FBXO3: variants seen among roughly 807,000 people sequenced by gnomAD.
FBXO3 encodes the protein F-box only protein 3.
In FBXO3, 17 loss-of-function variants were observed where a neutral mutation model predicts 64.8. The ratio of observed to expected loss-of-function variants is 0.26; its 90% confidence interval spans 0.18 to 0.39. The LOEUF (loss-of-function observed/expected upper bound fraction) is 0.39, where lower values mean the gene tolerates loss of function less well. FBXO3 is among the 10% of genes least tolerant of loss of function. FBXO3 has a pLI of 1.00. For missense variants in FBXO3, 420 were observed against 589.9 expected, an observed-to-expected ratio of 0.71 and a Z score of 2.98; for synonymous variants, 182 against 201.6, an observed-to-expected ratio of 0.90 and a Z score of 0.82.
intron 6 of FBXO3, among the ~76,000 whole-genome samples, chr11:33,752,592 G>A (rs1350209347): frequency 1.3e-5 from 2 of 152,122 alleles, no homozygotes; most frequent in East Asian, 3.9e-4. Flanking sequence ...ACTGAGAGAA[G>A]GCAAACTATA....
intron 7 of FBXO3, 51 bp downstream of exon 7, chr11:33,751,472 T>C: frequency 2.4e-6 from 3 of 1,226,588 alleles, no homozygotes; most frequent in Non-Finnish European, 3.6e-6. Context: ...GACTTATCAT[T>C]TTTCTCTGAT....
chr11:33,772,891 A>G (rs1855543704), intron 1 of FBXO3: 1 of 152,174 alleles, frequency 6.6e-6, no homozygotes, highest in African/African-American at 2.4e-5. Flanking sequence ...ATGGCAAATC[A>G]ATTCTGCAGG....
chr11:33,742,977 G>A (rs996079856), intron 10 of FBXO3: 16 of 152,204 alleles, frequency 1.1e-4, no homozygotes, highest in Non-Finnish European at 2.2e-4. Context: ...TGGTACCCGC[G>A]CAGGATGATC....
At chr11:33,755,656 CTAA>C in intron 5 of FBXO3, 112 bp downstream of exon 5, 1 of 773,288 alleles carries the variant, frequency 1.3e-6, no homozygotes, top group Non-Finnish European at 2.2e-6. Flanking sequence ...AGGTCTATAA[CTAA>C]AATGCATAAT....
At chr11:33,763,723 G>A (rs139445628) in intron 3 of FBXO3, among the ~76,000 whole-genome samples, 185 of 150,820 alleles carry the variant, frequency 1.2e-3, no homozygotes, top group African/African-American at 4.3e-3. Flanking sequence ...AAGGATGCCC[G>A]CTATCCTATC....
intron 1 of FBXO3, chr11:33,774,086 G>A: frequency 6.5e-6 from 2 of 306,846 alleles, no homozygotes; most frequent in Non-Finnish European, 1.2e-5. Context: ...GGTCCGCGGA[G>A]CGCGGCGGTG....
chr11:33,748,825 T>C lies in FBXO3; in HGVS notation c.1000A>G (p.Thr334Ala). The C allele has an allele frequency of 1.2e-6, 2 of 1,613,962 alleles. No homozygotes were observed. The highest frequency in any genetic ancestry group is 1.7e-6 in the Non-Finnish European group (2 of 1,179,876). ...CQLDSRYWRI[T>A]NAKGDVEEVQ... is the part of the protein sequence containing the mutation. ...TCTTCCACGTCACCCTTAGCATTTG[T>C]TATTCTCCAATAGCGACTGTCCAAC... The change falls in exon 9 of 11, where the codon ACA (threonine) becomes GCA (alanine). Residue 334 changes from threonine to alanine, a missense_variant. Thr to Ala is a moderately conservative substitution (Grantham distance 58). This residue lies in a region of FBXO3 where 337 missense variants were observed against 518.4 expected (regional missense o/e 0.65). Transcript: ENST00000265651.
chr11:33,751,801 TC>T (rs1260253377), intron 6 of FBXO3, among the ~76,000 whole-genome samples, 194 bp from the exon 7 acceptor site: 1 of 152,226 alleles, frequency 6.6e-6, no homozygotes, highest in African/African-American at 2.4e-5. Flanking sequence ...CTTGGGATTC[TC>T]CCCCTCTTCA....
chr11:33,764,535 C>T (rs1855320687), intron 3 of FBXO3, among the ~76,000 whole-genome samples: 1 of 152,082 alleles, frequency 6.6e-6, no homozygotes. Flanking sequence ...AAGGGCACTT[C>T]ACGTCTGCAG....
chr11:33,772,689 T>C (rs1220948475), intron 1 of FBXO3: 1 of 152,332 alleles, frequency 6.6e-6, no homozygotes, highest in Non-Finnish European at 1.5e-5. Context: ...CAGCACTTAG[T>C]ACCTCTTGCA....
chr11:33,744,613 T>C (rs1286620502), intron 10 of FBXO3: 3 of 152,184 alleles, frequency 2.0e-5, no homozygotes, highest in Non-Finnish European at 2.9e-5. Flanking sequence ...TTTTTTAATG[T>C]TGATAAGAAG....
In FBXO3 at chr11:33,747,246, A is replaced by G. The variant is rs139508675; in HGVS notation, c.1123T>C (p.Tyr375His). 1.1e-5 allele frequency: 17 copies of G among 1,613,498 alleles called. No individual in the cohort carries two copies. The highest frequency in any genetic ancestry group is 1.3e-5 in the Non-Finnish European group (15 of 1,179,816). The change falls in exon 10 of 11, where the codon TAC (tyrosine) becomes CAC (histidine). Residue 375 changes from tyrosine (Y) to histidine (H), a missense_variant. Physicochemically the swap from Tyr to His is moderately conservative, Grantham distance 83. Around this residue, in one of 3 missense-constraint regions of FBXO3, gnomAD observed 337 missense variants for 518.4 expected, o/e 0.65. Transcript: ENST00000265651. ...TGGAAGGTATAATATCCTTCCATGT[A>G]TCCTGATGTTGTAGAGAATGTGGTA... ...SCTTFSTTSG[Y>H]MEGYYTFHFL...
chr11:33,741,782 G>C lies in FBXO3; in HGVS notation c.*126C>G. 1 of 931,662 alleles carries C rather than the reference G, an allele frequency of 1.1e-6. No homozygotes were observed. Among genetic ancestry groups the C allele is most frequent in the Non-Finnish European group, 1.5e-6 (1 of 681,888 alleles). The allele number at this position is 931,662 out of a possible 1,614,324, so 57.7% of individuals were successfully genotyped here. A position where few individuals can be genotyped will look rare whatever the true frequency, so the allele number is the denominator to read the frequency against. Reference sequence around the variant, plus strand: ...TAATGTAGTGTCACATAGAACCCAGGGCCTGAAACAATATTTCATGCTAGT... The same window carrying C: ...TAATGTAGTGTCACATAGAACCCAGCGCCTGAAACAATATTTCATGCTAGT... On this transcript the variant is annotated 3_prime_UTR_variant, in exon 11 of 11. Transcript: ENST00000265651.
intron 9 of FBXO3, among the ~76,000 whole-genome samples, chr11:33,747,694 T>C (rs969382968): frequency 6.6e-6 from 1 of 152,070 alleles, no homozygotes; most frequent in African/African-American, 2.4e-5. Flanking sequence ...GTATTTTTAG[T>C]AGAGGCAGGG....
At chr11:33,767,449 G>A (rs1209130894) in intron 3 of FBXO3, among the ~76,000 whole-genome samples, 1 of 152,178 alleles carries the variant, frequency 6.6e-6, no homozygotes, top group East Asian at 1.9e-4. Flanking sequence ...ACAGGCGCAT[G>A]CCACCACGCC....
At chr11:33,765,564 G>A (rs1411877170) in intron 3 of FBXO3, among the ~76,000 whole-genome samples, 20 of 152,178 alleles carry the variant, frequency 1.3e-4, no homozygotes, top group Admixed American at 1.3e-3. Context: ...AATAGAATTT[G>A]GGAGGCAGAA....
intron 6 of FBXO3, chr11:33,753,504 A>C (rs1855014949): frequency 1.3e-5 from 2 of 152,238 alleles, no homozygotes; most frequent in Admixed American, 1.3e-4. Context: ...AATAACAACG[A>C]GGGCAATGAG....
intron 3 of FBXO3, among the ~76,000 whole-genome samples, chr11:33,764,799 C>T (rs1855327046): frequency 6.6e-6 from 1 of 152,030 alleles, no homozygotes; most frequent in Non-Finnish European, 1.5e-5. Context: ...CATGGTGAAA[C>T]CCTGTCTCTA....
intron 8 of FBXO3, among the ~76,000 whole-genome samples, chr11:33,749,357 A>ACAC (rs1854894676): frequency 7.4e-6 from 1 of 135,784 alleles, no homozygotes; most frequent in Admixed American, 7.7e-5. Flanking sequence ...TACTGGGATT[A>ACAC]CACTTTTTTT....
Sources: gnomAD v4.1 joint callset for allele counts (sites outside exome capture counted in the v4.1 genomes callset) on GRCh38, gnomAD v4.1.1 for gene constraint, gnomAD v4.1.1 regional missense constraint, MANE v1.5 for transcripts, NCBI Gene and HGNC (gene_info 2026-07-23, HGNC 2026-07-21) for gene names.